Variants in CUX1 observed in about 807,000 individuals in gnomAD.
The protein encoded by CUX1 is protein CASP.
CUX1 carries 31 observed loss-of-function variants against 158.8 expected under a neutral mutation model. That is an observed-to-expected ratio of 0.20 (90% confidence interval 0.15 to 0.26). The LOEUF is 0.26. Among genes scored for constraint, CUX1 ranks in the 10% least tolerant of loss-of-function variants. The pLI is 1.00. For missense variants in CUX1, 1,589 were observed against 2,014.6 expected (o/e 0.79, Z 4.04); for synonymous variants, 879 against 862.1 (o/e 1.02, Z -0.34).
intron 2 of CUX1, among the ~76,000 whole-genome samples, chr7:101,935,374 T>A (rs1052952183): frequency 1.3e-5 from 2 of 152,170 alleles, no homozygotes; most frequent in African/African-American, 2.4e-5. Flanking sequence ...CCAGGTGAAA[T>A]AAACAGCTTT....
intron 2 of CUX1, among the ~76,000 whole-genome samples, chr7:101,988,498 G>C (rs942667937): frequency 6.6e-6 from 1 of 152,068 alleles, no homozygotes; most frequent in Non-Finnish European, 1.5e-5. Flanking sequence ...GTGTCCCCAG[G>C]CTCTCCTGTG....
intron 1 of CUX1, among the ~76,000 whole-genome samples, chr7:101,903,560 TCAG>T (rs1021309858): frequency 8.5e-5 from 13 of 152,116 alleles, no homozygotes; most frequent in African/African-American, 3.1e-4. Flanking sequence ...TGGTCAAATA[TCAG>T]TAATGTCATG....
chr7:101,860,616 T>A (rs1397261402), intron 1 of CUX1, among the ~76,000 whole-genome samples: 2 of 152,102 alleles, frequency 1.3e-5, no homozygotes, highest in Non-Finnish European at 2.9e-5. Flanking sequence ...CTCAGTTTCT[T>A]CATCTATAAA....
At chr7:102,030,638 G>GT (rs1820635669) in intron 3 of CUX1, among the ~76,000 whole-genome samples, 1 of 145,688 alleles carries the variant, frequency 6.9e-6, no homozygotes, top group Admixed American at 6.9e-5. Flanking sequence ...GTCCAGTCAG[G>GT]TTCACACATT....
At chr7:102,159,707 A>G (rs1245510358) in intron 9 of CUX1, among the ~76,000 whole-genome samples, 2 of 151,890 alleles carry the variant, frequency 1.3e-5, no homozygotes, top group African/African-American at 4.8e-5. Context: ...CTAAAAATAC[A>G]AAATTTAGCA....
At chr7:101,833,912 G>C (rs1313087487) in intron 1 of CUX1, among the ~76,000 whole-genome samples, 6 of 152,152 alleles carry the variant, frequency 3.9e-5, no homozygotes, top group Admixed American at 3.9e-4. Flanking sequence ...GGGGGGTGCA[G>C]AGTCTGTCCT....
intron 1 of CUX1, among the ~76,000 whole-genome samples, chr7:101,912,838 T>A (rs1803653245): frequency 6.6e-6 from 1 of 151,880 alleles, no homozygotes; most frequent in South Asian, 2.1e-4. Flanking sequence ...TGGGTCCAGG[T>A]TTTTTGCTCT....
chr7:102,002,227 G>A (rs1035653330), intron 2 of CUX1, among the ~76,000 whole-genome samples: 2 of 152,252 alleles, frequency 1.3e-5, no homozygotes, highest in African/African-American at 4.8e-5. Flanking sequence ...TTCAGCCCAG[G>A]AGGTGGAGGT....
intron 11 of CUX1, 66 bp downstream of exon 11, chr7:102,178,723 C>A: frequency 6.8e-7 from 1 of 1,473,138 alleles, no homozygotes; most frequent in Non-Finnish European, 9.2e-7. Context: ...CACACGCGCA[C>A]ACACACACCC....
chr7:102,007,334 C>T (rs1485468886), intron 2 of CUX1, among the ~76,000 whole-genome samples: 1 of 152,050 alleles, frequency 6.6e-6, no homozygotes, highest in Non-Finnish European at 1.5e-5. Flanking sequence ...CAGGTCTCAG[C>T]CTTTTGCCCC....
At chr7:101,870,159 T>TTG (rs1382544286) in intron 1 of CUX1, among the ~76,000 whole-genome samples, 17 of 148,230 alleles carry the variant, frequency 1.1e-4, no homozygotes, top group South Asian at 6.4e-4. Context: ...TTTTGTTTTT[T>TTG]TTTTTTTTTT....
chr7:101,846,527 G>T (rs1351137362), intron 1 of CUX1, among the ~76,000 whole-genome samples: 1 of 151,948 alleles, frequency 6.6e-6, no homozygotes, highest in Non-Finnish European at 1.5e-5. Flanking sequence ...TTGTAAAGGC[G>T]ATGTTGTTCA....
At chr7:101,870,541 G>A (rs929529030) in intron 1 of CUX1, among the ~76,000 whole-genome samples, 1 of 152,122 alleles carries the variant, frequency 6.6e-6, no homozygotes, top group African/African-American at 2.4e-5. Flanking sequence ...TAGGATCTGC[G>A]ATACTCCAGT....
At chr7:101,823,855 G>C (rs1176397501) in intron 1 of CUX1, among the ~76,000 whole-genome samples, 1 of 152,154 alleles carries the variant, frequency 6.6e-6, no homozygotes, top group African/African-American at 2.4e-5. Flanking sequence ...AAATTTATCT[G>C]GGTGTTGACA....
chr7:101,955,170 A>AC (rs1189154795), intron 2 of CUX1, among the ~76,000 whole-genome samples: 4 of 151,968 alleles, frequency 2.6e-5, no homozygotes, highest in Non-Finnish European at 5.9e-5. Context: ...GTCTCAAAAA[A>AC]AAAAAAAATG....
At chr7:102,228,696 G>A (rs1798609552) in intron 21 of CUX1, among the ~76,000 whole-genome samples, 1 of 152,300 alleles carries the variant, frequency 6.6e-6, no homozygotes, top group African/African-American at 2.4e-5. Context: ...TACTCGGGAG[G>A]CTGAAGCAGG....
intron 11 of CUX1, among the ~76,000 whole-genome samples, chr7:102,179,431 C>A (rs139944793): frequency 1.4e-3 from 216 of 152,232 alleles, no homozygotes; most frequent in Non-Finnish European, 2.4e-3. Context: ...CCAGCACTTC[C>A]GGTGCATGAG....
chr7:101,967,957 G>A (rs1044117698), intron 2 of CUX1, among the ~76,000 whole-genome samples: 5 of 152,100 alleles, frequency 3.3e-5, no homozygotes, highest in Non-Finnish European at 7.4e-5. Flanking sequence ...GGGCTGGAAT[G>A]CAGTAGTGTG....
At chr7:101,859,050 T>C (rs958890859) in intron 1 of CUX1, among the ~76,000 whole-genome samples, 15 of 152,172 alleles carry the variant, frequency 9.9e-5, no homozygotes, top group African/African-American at 3.6e-4. Flanking sequence ...AGGTGGCTAA[T>C]GATTGAAAAT....
Sources: gnomAD v4.1 joint callset for allele counts (sites outside exome capture counted in the v4.1 genomes callset) on GRCh38, gnomAD v4.1.1 for gene constraint, MANE v1.5 for transcripts, NCBI Gene and HGNC (gene_info 2026-07-23, HGNC 2026-07-21) for gene names.